The following RECQL4 variants were observed in gnomAD, a reference collection of about 807,000 sequenced individuals.
RECQL4 encodes the protein ATP-dependent DNA helicase Q4.
In RECQL4, 158 loss-of-function variants were observed where a neutral mutation model predicts 128.6. The observed-to-expected ratio is 1.23, with a 90% CI of 1.08 to 1.40. The LOEUF is 1.40. Ranked by LOEUF, RECQL4 falls within the 40% of genes most tolerant of loss-of-function variation. RECQL4 has a pLI of 0.00. For missense variants in RECQL4, 2,293 were observed against 1,649.8 expected, an observed-to-expected ratio of 1.39 and a Z score of -6.75; for synonymous variants, 996 against 678.9, an observed-to-expected ratio of 1.47 and a Z score of -7.26.
chr8:144,517,476 T>G lies in RECQL4; in HGVS notation c.151A>C (p.Thr51Pro), dbSNP rs530662883. ...LYREYRTLKR[T>P]TGQAGGGLRS... ...AGCCCGCCGCCGGCCTGGCCCGTGGTACGCTTCAGAGTGCGGTATTCCCGG... is the reference window on the plus strand; with the variant it reads ...AGCCCGCCGCCGGCCTGGCCCGTGGGACGCTTCAGAGTGCGGTATTCCCGG... The change falls in exon 3 of 21, where the codon ACC becomes CCC. Residue 51 changes from threonine (T) to proline (P), a missense_variant. Physicochemically the swap from Thr to Pro is conservative, Grantham distance 38. Coordinates refer to ENST00000617875, the MANE Select transcript of RECQL4 (RefSeq NM_004260.4). 2 of 1,597,006 alleles carry G rather than the reference T, an allele frequency of 1.3e-6. No individual in the cohort carries two copies. Among genetic ancestry groups the G allele is most frequent in the African/African-American group, 2.7e-5 (2 of 74,814 alleles).
chr8:144,514,554 A>G (rs766614895), intron 9 of RECQL4, 29 bp from the exon 10 acceptor site: 3 of 1,600,310 alleles, frequency 1.9e-6, no homozygotes, highest in Non-Finnish European at 2.6e-6. Flanking sequence ...CAGCCGTCAT[A>G]CGCCAGCCCA....
chr8:144,516,556 G>A lies in RECQL4; in HGVS notation c.563C>T (p.Pro188Leu), dbSNP rs773241386. The change falls in exon 5 of 21, where the codon CCT (proline) becomes CTT (leucine). Residue 188 changes from proline (P) to leucine (L), a missense_variant. Transcript: ENST00000617875. ...ACTGTGACATCGCTGTAACCAGCCAGGATCTAGGGAGCCCAGCCGCTGGCT... is the reference window on the plus strand; with the variant it reads ...ACTGTGACATCGCTGTAACCAGCCAAGATCTAGGGAGCCCAGCCGCTGGCT... ...SLSQRLGSLDPGWLQRCHSEV... is the reference protein window; with the variant it reads ...SLSQRLGSLDLGWLQRCHSEV... 3 of 1,609,910 alleles carry A rather than the reference G, an allele frequency of 1.9e-6. No homozygotes were observed. The highest frequency in any genetic ancestry group is 1.7e-4 in the Middle Eastern group (1 of 6,056).
rs375702394 is a variant in RECQL4 at position 144,513,718 on chromosome 8, G to A, written c.2059-6C>T. On this transcript the variant is annotated splice_polypyrimidine_tract_variant and splice_region_variant and intron_variant, in intron 12 of 20. Transcript: ENST00000617875. ...TGCAGCAGCGTCAACAGTGCCTGAT[G>A]AGGAGCGGTTGGCGTGGGCAGTGGG... The A allele has an allele frequency of 4.8e-5, 74 of 1,547,234 alleles. No individual in the cohort carries two copies. The highest frequency in any genetic ancestry group is 2.6e-4 in the South Asian group (22 of 84,014).
chr8:144,517,215 G>T, intron 3 of RECQL4, 25 bp from the exon 4 acceptor site: 1 of 1,575,814 alleles, frequency 6.3e-7, no homozygotes. Context: ...AGGGGCACAG[G>T]CCAGAAAAGG....
At position 144,515,758 on chromosome 8, in the gene RECQL4, T is replaced by C. The variant is rs34437789; in HGVS notation, c.1258+6A>G. The C allele has an allele frequency of 6.2e-7, 1 of 1,611,948 alleles. No homozygotes were observed. The highest frequency in any genetic ancestry group is 8.5e-7 in the Non-Finnish European group (1 of 1,179,520). On this transcript the variant is annotated splice_donor_region_variant and intron_variant, in intron 6 of 20. Transcript: ENST00000617875. ...CCGGACCCACCCTCCAGGGCAGATG[T>C]CTCACCTGGCCGGGGACACTGGGCT...
chr8:144,513,410 C>T lies in RECQL4; in HGVS notation c.2271G>A (p.Gln757=), dbSNP rs2130679729. ...GMCSRERRRV[Q]RAFMQGQLRV... is the part of the protein sequence containing the mutation. ...GCAACTGGCCCTGCATGAAGGCTCG[C>T]TGTACCCGCCGCCGTTCCCGGCTGC... The change falls in exon 14 of 21, where the codon CAG becomes CAA. Residue 757 remains glutamine, a synonymous_variant. Coordinates refer to ENST00000617875, the MANE Select transcript of RECQL4 (RefSeq NM_004260.4). The T allele has an allele frequency of 1.2e-6, 2 of 1,608,934 alleles. No individual in the cohort carries two copies. Among genetic ancestry groups the T allele is most frequent in the East Asian group, 2.2e-5 (1 of 44,876 alleles).
chr8:144,511,370 C>T lies in RECQL4; in HGVS notation c.*61G>A, dbSNP rs1268283067. 13 of 1,594,046 alleles carry T rather than the reference C, an allele frequency of 8.2e-6. No individual in the cohort carries two copies. The East Asian group carries it at 2.7e-4, about 33-fold the overall frequency. On this transcript the variant is annotated 3_prime_UTR_variant, in exon 21 of 21. Transcript: ENST00000617875. ...CTGTGGCAGGTTTTGCCCAGGTCCT[C>T]AGTCACTGCCCTAGCCTCTGACAAC...
Position 144,515,773 on chromosome 8 carries a change from G to T in RECQL4, c.1249C>A (p.Pro417Thr), listed in dbSNP as rs1457479453. 1.9e-6 allele frequency: 3 copies of T among 1,612,390 alleles called. No individual in the cohort carries two copies. In the Admixed American group the frequency reaches 5.0e-5, roughly 27 times the overall value. Reference protein sequence around the residue: ...EQFDHWAAQCPRPASEEDTDA... With the variant: ...EQFDHWAAQCTRPASEEDTDA... ...AGGGCAGATGTCTCACCTGGCCGGG[G>T]ACACTGGGCTGCCCAGTGATCGAAC... The change falls in exon 6 of 21, where the codon CCC becomes ACC. Residue 417 changes from proline to threonine, a missense_variant. Transcript: ENST00000617875.
chr8:144,512,748 G>A lies in RECQL4; in HGVS notation c.2779C>T (p.Leu927=), dbSNP rs372304382. 1 of 1,612,122 alleles carries A rather than the reference G, an allele frequency of 6.2e-7. No individual in the cohort carries two copies. The change falls in exon 16 of 21, where the codon CTG becomes TTG. Residue 927 remains leucine (L), a synonymous_variant. Transcript: ENST00000617875. ...AGCCAGTGGTGTGGGTGCAGCTCCA[G>A]GTAGCACAGCAAAGTCTCGATGGCT... ...EEAIETLLCY[L]ELHPHHWLEL...
chr8:144,515,898 G>A lies in RECQL4; in HGVS notation c.1132-8C>T, dbSNP rs370660188. Reference sequence around the variant, plus strand: ...CCACTTCTGCTTCCATGCCTGGGGGGTGCCCACATAGGAGGGTCACTGGGC... The same window carrying A: ...CCACTTCTGCTTCCATGCCTGGGGGATGCCCACATAGGAGGGTCACTGGGC... On this transcript the variant is annotated splice_polypyrimidine_tract_variant and splice_region_variant and intron_variant, in intron 5 of 20. Coordinates refer to ENST00000617875, the MANE Select transcript of RECQL4 (RefSeq NM_004260.4). The A allele has an allele frequency of 8.7e-6, 14 of 1,612,674 alleles. No individual in the cohort carries two copies. Among genetic ancestry groups the A allele is most frequent in the Non-Finnish European group, 1.2e-5 (14 of 1,179,782 alleles).
Position 144,512,758 on chromosome 8 carries a change from C to G in RECQL4, c.2769G>C (p.Leu923Phe). The G allele has an allele frequency of 6.2e-7, 1 of 1,611,930 alleles. No individual in the cohort carries two copies. The highest frequency in any genetic ancestry group is 8.5e-7 in the Non-Finnish European group (1 of 1,179,778). ...LDMPEEAIET[L>F]LCYLELHPHH... Reference sequence around the variant, plus strand: ...GTGGGTGCAGCTCCAGGTAGCACAGCAAAGTCTCGATGGCTGGGGGCAGAG... The same window carrying G: ...GTGGGTGCAGCTCCAGGTAGCACAGGAAAGTCTCGATGGCTGGGGGCAGAG... The change falls in exon 16 of 21, where the codon TTG becomes TTC. Residue 923 changes from leucine to phenylalanine, a missense_variant. Leu to Phe is a conservative substitution (Grantham distance 22, BLOSUM62 0). Transcript: ENST00000617875.
In RECQL4 at chr8:144,514,442, C is replaced by T. The variant is rs878854642; in HGVS notation, c.1704G>A (p.Lys568=). The T allele has an allele frequency of 6.8e-6, 11 of 1,611,374 alleles. No individual in the cohort carries two copies. Among genetic ancestry groups the T allele is most frequent in the South Asian group, 1.1e-5 (1 of 90,958 alleles). ...ACCCCTAGGCCCATGAGGCCCCCAC[C>T]TTCTGCAGGACAGATTCCCGTTGCT... ...TRKQRESVLQ[K]IRAAQVHVLM... The change falls in exon 10 of 21, where the codon AAG becomes AAA. Residue 568 remains lysine, a splice_region_variant and synonymous_variant. Coordinates refer to ENST00000617875, the MANE Select transcript of RECQL4 (RefSeq NM_004260.4).
At position 144,517,481 on chromosome 8, in the gene RECQL4, T is replaced by A; in HGVS notation, c.146A>T (p.Lys49Met). Residue 49 changes from lysine (K) to methionine (M), a missense_variant, in exon 3 of 21, where the codon AAG (lysine) becomes ATG (methionine). Coordinates refer to ENST00000617875, the MANE Select transcript of RECQL4 (RefSeq NM_004260.4). ...GCCGCCGGCCTGGCCCGTGGTACGCTTCAGAGTGCGGTATTCCCGGTAGAG... is the reference window on the plus strand; with the variant it reads ...GCCGCCGGCCTGGCCCGTGGTACGCATCAGAGTGCGGTATTCCCGGTAGAG... Reference protein sequence around the residue: ...RALYREYRTLKRTTGQAGGGL... With the variant: ...RALYREYRTLMRTTGQAGGGL... The A allele has an allele frequency of 6.3e-7, 1 of 1,597,514 alleles. No homozygotes were observed. Among genetic ancestry groups the A allele is most frequent in the East Asian group, 2.2e-5 (1 of 44,540 alleles).
chr8:144,515,605 C>G lies in RECQL4; in HGVS notation c.1259-148G>C, dbSNP rs540599182. On this transcript the variant is annotated intron_variant, in intron 6 of 20. Coordinates refer to ENST00000617875, the MANE Select transcript of RECQL4 (RefSeq NM_004260.4). The stretch of plus-strand genomic sequence containing the variant: ...TTCCAAAGCAGAAAAGAGTGACAGC[C>G]ATCGTCGTCCCTGCCACCCTCCTTC... 8 of 1,463,264 alleles carry G rather than the reference C, an allele frequency of 5.5e-6. No individual in the cohort carries two copies. The South Asian group carries it at 1.0e-4, about 19-fold the overall frequency. 90.6% of individuals were successfully genotyped at this position (1,463,264 alleles called of 1,614,324 possible).
At position 144,517,079 on chromosome 8, in the gene RECQL4, G is replaced by A. The variant is rs1815226105; in HGVS notation, c.325C>T (p.Leu109Phe). 3 of 1,612,206 alleles carry A rather than the reference G, an allele frequency of 1.9e-6. No homozygotes were observed. Among genetic ancestry groups the A allele is most frequent in the African/African-American group, 2.7e-5 (2 of 75,066 alleles). Reference sequence around the variant, plus strand: ...AGGGTGCCTTTCAGATTGGCCTTGAGCCGCTGCCCGTAGTCCGGCACCGAG... The same window carrying A: ...AGGGTGCCTTTCAGATTGGCCTTGAACCGCTGCCCGTAGTCCGGCACCGAG... ...QGSVPDYGQR[L>F]KANLKGTLQA... The change falls in exon 4 of 21, where the codon CTC (leucine) becomes TTC (phenylalanine). Residue 109 changes from leucine to phenylalanine, a missense_variant. By Grantham distance (22) the Leu-to-Phe change is conservative. Coordinates refer to ENST00000617875, the MANE Select transcript of RECQL4 (RefSeq NM_004260.4).
rs576322077 is a variant in RECQL4 at position 144,512,061 on chromosome 8, G to C, written c.3243C>G (p.Ala1081=). 12 of 1,607,952 alleles carry C rather than the reference G, an allele frequency of 7.5e-6. No individual in the cohort carries two copies. The highest frequency in any genetic ancestry group is 9.3e-6 in the Non-Finnish European group (11 of 1,178,564). ...CCAGGCAGGGCCCGCAGCTGGGGAA[G>C]GCTACGCTGTGGGGAGGAGCCTGTC... is the stretch of plus-strand genomic sequence containing the variant. The part of the protein sequence containing the change: ...RRTFQAFHSV[A]FPSCGPCLEQ... Residue 1081 remains alanine (A), a synonymous_variant, in exon 19 of 21, where the codon GCC becomes GCG. Coordinates refer to ENST00000617875, the MANE Select transcript of RECQL4 (RefSeq NM_004260.4).
At position 144,511,687 on chromosome 8, in the gene RECQL4, C is replaced by A. The variant is rs779410033; in HGVS notation, c.3496G>T (p.Gly1166Cys). The change falls in exon 20 of 21, where the codon GGC (glycine) becomes TGC (cysteine). Residue 1166 changes from glycine to cysteine, a missense_variant. Gly to Cys is a radical substitution (Grantham distance 159, BLOSUM62 -3). Transcript: ENST00000617875. ...GGGGCCTCCCAGGCCTCACCGATGC[C>A]GTGGAAGATGCGGGCCACAGCCCTG... is the stretch of plus-strand genomic sequence containing the variant. ...SSRAVARIFH[G>C]IGSPCYPAQV... 1.2e-6 allele frequency: 2 copies of A among 1,612,306 alleles called. No individual in the cohort carries two copies. The highest frequency in any genetic ancestry group is 1.7e-5 in the Admixed American group (1 of 60,004).
chr8:144,517,500 G>A lies in RECQL4; in HGVS notation c.127C>T (p.Arg43Trp), dbSNP rs761113605. 3.4e-5 allele frequency: 54 copies of A among 1,592,600 alleles called. No homozygotes were observed. The East Asian group carries it at 1.0e-3, about 30-fold the overall frequency. The change falls in exon 3 of 21, where the codon CGG becomes TGG. Residue 43 changes from arginine (R) to tryptophan (W), a missense_variant. Physicochemically the swap from Arg to Trp is moderately radical, Grantham distance 101. Coordinates refer to ENST00000617875, the MANE Select transcript of RECQL4 (RefSeq NM_004260.4). ...GTACGCTTCAGAGTGCGGTATTCCC[G>A]GTAGAGCGCTGCGTGGGCGAGCGGG... ...AAPEETRALY[R>W]EYRTLKRTTG... is the part of the protein sequence containing the mutation.
Position 144,514,536 on chromosome 8 carries a change from A to C in RECQL4, c.1621-11T>G, listed in dbSNP as rs1827867296. ...TGGCAGGCCAGACACCTGCAAATGC[A>C]GGAGCGACAGCCGTCATACGCCAGC... On this transcript the variant is annotated splice_polypyrimidine_tract_variant and intron_variant, in intron 9 of 20. Transcript: ENST00000617875. The C allele has an allele frequency of 6.2e-7, 1 of 1,609,472 alleles. No homozygotes were observed. Among genetic ancestry groups the C allele is most frequent in the Non-Finnish European group, 8.5e-7 (1 of 1,178,448 alleles).
Sources: allele counts gnomAD v4.1 joint callset, GRCh38; gene constraint gnomAD v4.1.1; transcripts MANE v1.5; gene names NCBI Gene and HGNC (gene_info 2026-07-23, HGNC 2026-07-21).